Variants in ARK2C observed in about 807,000 individuals in gnomAD.
ARK2C encodes the protein E3 ubiquitin-protein ligase ARK2C.
chr18:46,449,077 G>A, the ARK2C span, among the ~76,000 whole-genome samples: 1 of 152,150 alleles, frequency 6.6e-6, no homozygotes, highest in East Asian at 1.9e-4. Flanking sequence ...ACTGTTCTAA[G>A]CAGTTCATGT....
chr18:46,436,158 G>A, the ARK2C span, among the ~76,000 whole-genome samples: 3 of 152,060 alleles, frequency 2.0e-5, no homozygotes, highest in African/African-American at 7.2e-5. Context: ...AAAAAGATGT[G>A]CAGTTCACTG....
the ARK2C span, among the ~76,000 whole-genome samples, chr18:46,444,379 C>A: frequency 4.0e-3 from 606 of 152,068 alleles, 5 homozygotes; most frequent in African/African-American, 0.013. Flanking sequence ...CTTTTTGGGT[C>A]TTTACTTACC....
chr18:46,424,846 G>A, the ARK2C span, among the ~76,000 whole-genome samples: 7 of 152,250 alleles, frequency 4.6e-5, no homozygotes, highest in Admixed American at 2.0e-4. Flanking sequence ...TGGCTTTGAA[G>A]ACTTCTTGGT....
At chr18:46,457,703 C>G in the ARK2C span, 1 of 152,822 alleles carries the variant, frequency 6.5e-6, no homozygotes, top group Admixed American at 6.5e-5. Flanking sequence ...AAAGAGGCAA[C>G]GTAGCCACTG....
At chr18:46,458,823 C>T in the ARK2C span, 2 of 152,264 alleles carry the variant, frequency 1.3e-5, no homozygotes, top group African/African-American at 4.8e-5. Context: ...AGACAAGACA[C>T]ATCCAATGCT....
At chr18:46,406,033 C>T in the ARK2C span, among the ~76,000 whole-genome samples, 1 of 152,038 alleles carries the variant, frequency 6.6e-6, no homozygotes, top group Non-Finnish European at 1.5e-5. Context: ...TGTGTGTACA[C>T]CCTTACACAC....
chr18:46,398,098 A>T, the ARK2C span, among the ~76,000 whole-genome samples: 2 of 129,666 alleles, frequency 1.5e-5, no homozygotes, highest in East Asian at 4.9e-4. Context: ...GTGTGTGCGC[A>T]TGTGGTGTGT....
chr18:46,378,023 G>T, the ARK2C span, among the ~76,000 whole-genome samples: 5 of 152,140 alleles, frequency 3.3e-5, no homozygotes, highest in Non-Finnish European at 5.9e-5. Flanking sequence ...TTTGGGAAGA[G>T]GGTGAGGGGT....
chr18:46,427,367 G>T, the ARK2C span, among the ~76,000 whole-genome samples: 1 of 152,074 alleles, frequency 6.6e-6, no homozygotes, highest in African/African-American at 2.4e-5. Context: ...TGGGGCGGTT[G>T]GTGCTCCTCC....
At chr18:46,428,189 C>T in the ARK2C span, among the ~76,000 whole-genome samples, 19 of 151,790 alleles carry the variant, frequency 1.3e-4, no homozygotes, top group Non-Finnish European at 1.9e-4. Flanking sequence ...GGCTGGCGGA[C>T]CACGAGGTCA....
chr18:46,399,193 C>T, the ARK2C span, among the ~76,000 whole-genome samples: 238 of 152,306 alleles, frequency 1.6e-3, no homozygotes, highest in African/African-American at 5.6e-3. Flanking sequence ...GACAGTGAAT[C>T]CTTCGAGGAG....
the ARK2C span, among the ~76,000 whole-genome samples, chr18:46,420,407 G>A: frequency 8.5e-5 from 13 of 152,112 alleles, no homozygotes; most frequent in Admixed American, 3.3e-4. Flanking sequence ...TCACAGGGCC[G>A]GGCTTGTGTA....
At chr18:46,351,386 C>T in the ARK2C span, among the ~76,000 whole-genome samples, 27 of 152,032 alleles carry the variant, frequency 1.8e-4, no homozygotes, top group African/African-American at 6.3e-4. Context: ...GCGTCCCTTC[C>T]GTGGATATCT....
At chr18:46,403,149 G>A in the ARK2C span, among the ~76,000 whole-genome samples, 5 of 152,176 alleles carry the variant, frequency 3.3e-5, no homozygotes, top group Non-Finnish European at 7.3e-5. Flanking sequence ...ATTTCACCTT[G>A]TTGGTTCGTC....
the ARK2C span, among the ~76,000 whole-genome samples, chr18:46,368,568 G>A: frequency 6.6e-6 from 1 of 152,190 alleles, no homozygotes; most frequent in Admixed American, 6.5e-5. Context: ...AAGCCAGTTG[G>A]ACCTTCTGAG....
the ARK2C span, among the ~76,000 whole-genome samples, chr18:46,374,397 C>T: frequency 5.3e-5 from 8 of 152,200 alleles, no homozygotes; most frequent in South Asian, 6.2e-4. Flanking sequence ...AAACTCTGTC[C>T]CCATTAAACA....
At chr18:46,402,427 A>C in the ARK2C span, among the ~76,000 whole-genome samples, 1 of 152,246 alleles carries the variant, frequency 6.6e-6, no homozygotes, top group Non-Finnish European at 1.5e-5. Flanking sequence ...TTTGATGTAA[A>C]TATATCTCAA....
the ARK2C span, among the ~76,000 whole-genome samples, chr18:46,366,598 C>T: frequency 2.6e-5 from 4 of 152,300 alleles, no homozygotes; most frequent in South Asian, 2.1e-4. Context: ...AACTTGTTCA[C>T]AGCCCAGTGG....
At chr18:46,372,932 C>T in the ARK2C span, among the ~76,000 whole-genome samples, 25 of 152,378 alleles carry the variant, frequency 1.6e-4, 1 homozygote, top group South Asian at 6.2e-4. Flanking sequence ...TCTTTTCCCA[C>T]AGCCTCCTAA....
Sources: gnomAD v4.1 joint callset for allele counts (sites outside exome capture counted in the v4.1 genomes callset) on GRCh38, gnomAD v4.1.1 for gene constraint, MANE v1.5 for transcripts, NCBI Gene and HGNC (gene_info 2026-07-23, HGNC 2026-07-21) for gene names.